Variants in DAGLB observed in about 807,000 individuals in gnomAD.
DAGLB encodes the protein diacylglycerol lipase beta.
Under a neutral mutation model 72.1 loss-of-function variants are expected in DAGLB, and 66 were observed. The observed-to-expected ratio is 0.92, with a 90% confidence interval of 0.75 to 1.12. The LOEUF (loss-of-function observed/expected upper bound fraction) is 1.12. Ranked by LOEUF, DAGLB falls within the 50% of genes most tolerant of loss-of-function variation. The pLI is 0.00. For missense variants in DAGLB, 1,065 were observed against 884.9 expected, an observed-to-expected ratio of 1.20 and a Z score of -2.58; for synonymous variants, 414 against 359.5, an observed-to-expected ratio of 1.15 and a Z score of -1.71.
Position 6,447,891 on chromosome 7 carries a change from A to G in DAGLB, c.-49T>C, listed in dbSNP as rs1229961206. On this transcript the variant is annotated 5_prime_UTR_variant, in exon 1 of 15. Coordinates refer to ENST00000297056, the MANE Select transcript of DAGLB (RefSeq NM_139179.4). ...TCAGGAGAGACCCCGCGCGCCGTTC[A>G]CCGAGAACAAACCAGCACCCTCCGG... The G allele has an allele frequency of 6.4e-7, 1 of 1,552,604 alleles. No individual in the cohort carries two copies. Among genetic ancestry groups the G allele is most frequent in the Middle Eastern group, 1.7e-4 (1 of 5,868 alleles).
chr7:6,436,330 C>A, intron 3 of DAGLB, 32 bp downstream of exon 3: 1 of 1,584,572 alleles, frequency 6.3e-7, no homozygotes, highest in Non-Finnish European at 8.6e-7. Context: ...CTCAAATCCA[C>A]TGAAACTCAA....
chr7:6,438,626 G>A (rs1023436980), intron 2 of DAGLB, among the ~76,000 whole-genome samples: 3 of 152,126 alleles, frequency 2.0e-5, no homozygotes, highest in African/African-American at 7.2e-5. Context: ...ACATCCTAAT[G>A]TCAGCAGCAC....
At chr7:6,447,456 G>A (rs1033231415) in intron 1 of DAGLB, among the ~76,000 whole-genome samples, 10 of 152,212 alleles carry the variant, frequency 6.6e-5, no homozygotes, top group African/African-American at 2.4e-4. Flanking sequence ...CCAGGTCTCG[G>A]CGCTGCACAC....
Position 6,430,578 on chromosome 7 carries a change from G to C in DAGLB, c.831C>G (p.Asn277Lys), listed in dbSNP as rs376414963. 1.5e-5 allele frequency: 24 copies of C among 1,604,112 alleles called. No homozygotes were observed. The highest frequency in any genetic ancestry group is 2.0e-5 in the Non-Finnish European group (24 of 1,173,568). ...QEADLDAELE[N>K]CHHYMQFAAA... ...CTGCAAACTGCATGTAATGATGGCA[G>C]TTTTCTAATTCTGCATCCAGATCAG... Residue 277 changes from asparagine to lysine, a missense_variant, in exon 6 of 15, where the codon AAC (asparagine) becomes AAG (lysine). Coordinates refer to ENST00000297056, the MANE Select transcript of DAGLB (RefSeq NM_139179.4).
At chr7:6,430,190 G>A (rs1583293973) in intron 6 of DAGLB, among the ~76,000 whole-genome samples, 1 of 144,632 alleles carries the variant, frequency 6.9e-6, no homozygotes, top group East Asian at 2.1e-4. Flanking sequence ...GGGCAGCAAG[G>A]GTGAAACTCT....
At chr7:6,447,512 T>C (rs56018031) in intron 1 of DAGLB, among the ~76,000 whole-genome samples, 11,909 of 152,206 alleles carry the variant, frequency 0.078, 1,365 homozygotes, top group African/African-American at 0.25. Context: ...AACCCCCTGT[T>C]TGTCCCCCGG....
At position 6,412,416 on chromosome 7, in the gene DAGLB, G is replaced by C. The variant is rs187212043; in HGVS notation, c.1569+395C>G. 7.9e-5 allele frequency among the ~76,000 whole-genome samples: 12 copies of C among 151,880 alleles called. 1 individual carries two copies. In the East Asian group the frequency reaches 2.1e-3, roughly 27 times the overall value. Reference sequence around the variant, plus strand: ...GTTAGTCACAAGACAGGACTAAGAAGTTTGTCAGAAAGCAAAATCAAACAG... The same window carrying C: ...GTTAGTCACAAGACAGGACTAAGAACTTTGTCAGAAAGCAAAATCAAACAG... On this transcript the variant is annotated intron_variant, in intron 13 of 14. Coordinates refer to ENST00000297056, the MANE Select transcript of DAGLB (RefSeq NM_139179.4).
At chr7:6,429,226 A>T (rs887430072) in intron 6 of DAGLB, among the ~76,000 whole-genome samples, 7 of 152,172 alleles carry the variant, frequency 4.6e-5, no homozygotes, top group African/African-American at 1.7e-4. Flanking sequence ...ATACACTAGG[A>T]AGGATGGTTG....
intron 5 of DAGLB, among the ~76,000 whole-genome samples, chr7:6,431,056 G>A (rs1032746232): frequency 4.6e-5 from 7 of 152,094 alleles, no homozygotes; most frequent in Non-Finnish European, 5.9e-5. Flanking sequence ...GAAGCCAGGC[G>A]TGAGCCACCA....
intron 2 of DAGLB, among the ~76,000 whole-genome samples, chr7:6,440,361 G>A (rs1784790695): frequency 6.6e-6 from 1 of 150,660 alleles, no homozygotes; most frequent in African/African-American, 2.5e-5. Context: ...TCCATCCTGG[G>A]GACTCAAAAG....
chr7:6,446,633 T>A (rs186198340), intron 1 of DAGLB, among the ~76,000 whole-genome samples: 1 of 151,984 alleles, frequency 6.6e-6, no homozygotes, highest in African/African-American at 2.4e-5. Flanking sequence ...TGGCTTCAAG[T>A]GATCTTCCTG....
chr7:6,418,502 A>G (rs1783991402), intron 9 of DAGLB, among the ~76,000 whole-genome samples: 1 of 152,234 alleles, frequency 6.6e-6, no homozygotes, highest in Non-Finnish European at 1.5e-5. Context: ...AATCAAAAAT[A>G]TCTTCAAAAT....
chr7:6,430,285 A>ATATATATATATATATGGG, intron 6 of DAGLB, among the ~76,000 whole-genome samples, 195 bp downstream of exon 6: 1 of 98,422 alleles, frequency 1.0e-5, no homozygotes, highest in African/African-American at 3.7e-5. Context: ...ATATATATGC[A>ATATATATATATATATGGG]GGGGGGAGGG....
Position 6,426,032 on chromosome 7 carries a change from C to T in DAGLB, c.1012G>A (p.Gly338Arg). 6.2e-7 allele frequency: 1 copy of T among 1,614,150 alleles called. No homozygotes were observed. Among genetic ancestry groups the T allele is most frequent in the East Asian group, 2.2e-5 (1 of 44,880 alleles). The change falls in exon 7 of 15, where the codon GGG (glycine) becomes AGG (arginine). Residue 338 changes from glycine (G) to arginine (R), a missense_variant. Gly to Arg is a moderately radical substitution (Grantham distance 125). Coordinates refer to ENST00000297056, the MANE Select transcript of DAGLB (RefSeq NM_139179.4). ...CHFGSILHTT[G>R]LQYRDFIHVS... ...TGGATGAAGTCCCTGTACTGCAGCC[C>T]TGTGGTGTGCAGGATGGAGCCGAAG...
chr7:6,420,406 C>G (rs1457696018), intron 9 of DAGLB, among the ~76,000 whole-genome samples: 2 of 151,048 alleles, frequency 1.3e-5, no homozygotes, highest in Non-Finnish European at 2.9e-5. Flanking sequence ...CACCACTGCA[C>G]TCCAGCCTGG....
chr7:6,417,197 C>G (rs1409033490), intron 9 of DAGLB: 1 of 379,644 alleles, frequency 2.6e-6, no homozygotes, highest in Non-Finnish European at 4.9e-6. Flanking sequence ...GAGTTCAAGA[C>G]CAGCCTGGGC....
intron 8 of DAGLB, among the ~76,000 whole-genome samples, 157 bp downstream of exon 8, chr7:6,424,595 G>C (rs1001792538): frequency 6.6e-6 from 1 of 152,066 alleles, no homozygotes. Flanking sequence ...TTTGCAAAGG[G>C]AGTATTTCCC....
intron 13 of DAGLB, 27 bp from the exon 14 acceptor site, chr7:6,410,407 T>C (rs1783682104): frequency 6.3e-7 from 1 of 1,577,170 alleles, no homozygotes; most frequent in Middle Eastern, 1.7e-4. Flanking sequence ...ATCAGTAGAA[T>C]GCTGTCACTC....
chr7:6,416,491 C>T (rs908092679), intron 11 of DAGLB, 136 bp downstream of exon 11: 8 of 1,320,094 alleles, frequency 6.1e-6, no homozygotes, highest in South Asian at 1.7e-5. Flanking sequence ...TGCAGTGAGC[C>T]GAGATCACGC....
Sources: allele counts gnomAD v4.1 joint callset (sites outside exome capture counted in the v4.1 genomes callset), GRCh38; gene constraint gnomAD v4.1.1; transcripts MANE v1.5; gene names NCBI Gene and HGNC (gene_info 2026-07-23, HGNC 2026-07-21).